The following KCNIP4 variants were observed in gnomAD, a reference collection of about 807,000 sequenced individuals.
KCNIP4 encodes potassium voltage-gated channel interacting protein 4.
In KCNIP4, 12 loss-of-function variants were observed where a neutral mutation model predicts 34.0. That is an observed-to-expected ratio of 0.35 (90% CI 0.23 to 0.57). The LOEUF (loss-of-function observed/expected upper bound fraction) is 0.57. Among genes scored for constraint, KCNIP4 ranks in the 20% least tolerant of loss-of-function variants. The pLI is 0.83. For synonymous variants in KCNIP4, 124 were observed against 102.2 expected, an observed-to-expected ratio of 1.21 and a Z score of -1.29; for missense variants, 238 against 311.7, an observed-to-expected ratio of 0.76 and a Z score of 1.78.
In KCNIP4 at chr4:21,000,002, A is replaced by G. The variant is rs538049682; in HGVS notation, c.62-117293T>C. ...ATTGCCAAGGAAGGGCGGAAAAAAA[A>G]GAATTGAGAATATGTGCCATGTGAG... On this transcript the variant is annotated intron_variant, in intron 1 of 8. Coordinates refer to ENST00000382152, the MANE Select transcript of KCNIP4 (RefSeq NM_025221.6). Among the ~76,000 whole-genome samples, 7 of 152,280 alleles carry G rather than the reference A, an allele frequency of 4.6e-5. No homozygotes were observed. In the East Asian group the frequency reaches 9.7e-4, roughly 21 times the overall value.
At chr4:21,057,098 C>T (rs572233607) in intron 1 of KCNIP4, among the ~76,000 whole-genome samples, 1 of 152,102 alleles carries the variant, frequency 6.6e-6, no homozygotes, top group South Asian at 2.1e-4. Context: ...AATTGAGGAC[C>T]ACATTTACAA....
intron 1 of KCNIP4, among the ~76,000 whole-genome samples, chr4:21,500,067 A>C (rs1412577782): frequency 6.6e-6 from 1 of 152,190 alleles, no homozygotes; most frequent in Non-Finnish European, 1.5e-5. Flanking sequence ...GTTCACATAC[A>C]AAGTCAGTGT....
chr4:21,717,972 C>A (rs1241076196), intron 1 of KCNIP4, among the ~76,000 whole-genome samples: 4 of 152,102 alleles, frequency 2.6e-5, no homozygotes, highest in Non-Finnish European at 5.9e-5. Context: ...TGAATCTGTT[C>A]ATTTCATGTC....
chr4:21,197,372 T>C (rs921570378), intron 1 of KCNIP4, among the ~76,000 whole-genome samples: 2 of 152,210 alleles, frequency 1.3e-5, no homozygotes, highest in African/African-American at 4.8e-5. Flanking sequence ...TGCCAAGCTG[T>C]ATCCATGCCT....
chr4:21,646,083 G>C lies in KCNIP4; in HGVS notation c.61+302488C>G, dbSNP rs544473742. ...AGTTGTCTCTCATCTGAATCATAAAGAGCGTATCACTCACTTTATTTCTAC... is the reference window on the plus strand; with the variant it reads ...AGTTGTCTCTCATCTGAATCATAAACAGCGTATCACTCACTTTATTTCTAC... On this transcript the variant is annotated intron_variant, in intron 1 of 8. Coordinates refer to ENST00000382152, the MANE Select transcript of KCNIP4 (RefSeq NM_025221.6). 9.9e-4 allele frequency among the ~76,000 whole-genome samples: 151 copies of C among 152,182 alleles called. 4 individuals are homozygous for C. In the South Asian group the frequency reaches 0.025, roughly 25 times the overall value.
intron 1 of KCNIP4, among the ~76,000 whole-genome samples, chr4:21,590,373 T>G (rs1330495501): frequency 6.6e-6 from 1 of 151,816 alleles, no homozygotes; most frequent in East Asian, 1.9e-4. Context: ...TGGGGAAAAA[T>G]AGATTGCAGG....
intron 1 of KCNIP4, among the ~76,000 whole-genome samples, chr4:21,938,552 T>C (rs558309328): frequency 1.5e-4 from 23 of 152,318 alleles, no homozygotes; most frequent in South Asian, 4.1e-4. Flanking sequence ...CACGATTCTG[T>C]ATTATACACG....
chr4:21,038,134 C>G (rs924015596), intron 1 of KCNIP4, among the ~76,000 whole-genome samples: 3 of 152,066 alleles, frequency 2.0e-5, no homozygotes, highest in Non-Finnish European at 4.4e-5. Flanking sequence ...TGTGCCACCA[C>G]GCCCAGCTAA....
chr4:20,953,733 G>C (rs1274025834), intron 1 of KCNIP4, among the ~76,000 whole-genome samples: 2 of 152,160 alleles, frequency 1.3e-5, no homozygotes, highest in African/African-American at 4.8e-5. Flanking sequence ...AATGAATGCT[G>C]TTAGTAAGGG....
intron 3 of KCNIP4, among the ~76,000 whole-genome samples, chr4:20,809,273 A>T (rs1279935509): frequency 1.3e-5 from 2 of 152,226 alleles, no homozygotes; most frequent in Non-Finnish European, 2.9e-5. Flanking sequence ...AAGAACTGGA[A>T]ATTACATATG....
chr4:20,735,856 A>G (rs1215767318), intron 5 of KCNIP4, among the ~76,000 whole-genome samples: 1 of 152,166 alleles, frequency 6.6e-6, no homozygotes, highest in Non-Finnish European at 1.5e-5. Flanking sequence ...TGTTATGTAC[A>G]GCAGGGTTAA....
chr4:21,933,690 G>C (rs1291162337), intron 1 of KCNIP4, among the ~76,000 whole-genome samples: 1 of 152,084 alleles, frequency 6.6e-6, no homozygotes, highest in African/African-American at 2.4e-5. Context: ...GTGTTCATTG[G>C]AGTGAAGTTG....
At chr4:21,036,503 T>C (rs1424201738) in intron 1 of KCNIP4, among the ~76,000 whole-genome samples, 1 of 152,198 alleles carries the variant, frequency 6.6e-6, no homozygotes, top group Non-Finnish European at 1.5e-5. Context: ...TTTATTTTGC[T>C]GAAAATATAT....
intron 1 of KCNIP4, among the ~76,000 whole-genome samples, chr4:21,186,087 G>A (rs1027762650): frequency 2.6e-5 from 4 of 151,974 alleles, no homozygotes; most frequent in Non-Finnish European, 4.4e-5. Flanking sequence ...ATTTCTATTT[G>A]ACTTTCTGAT....
intron 1 of KCNIP4, among the ~76,000 whole-genome samples, chr4:21,076,268 C>G (rs1745479019): frequency 6.6e-6 from 1 of 152,130 alleles, no homozygotes; most frequent in South Asian, 2.1e-4. Flanking sequence ...CCGTCACTTT[C>G]AGGTACACCA....
chr4:21,635,366 T>A (rs1746064824), intron 1 of KCNIP4, among the ~76,000 whole-genome samples: 1 of 152,210 alleles, frequency 6.6e-6, no homozygotes, highest in Admixed American at 6.5e-5. Context: ...TAGAGAAGGA[T>A]GGCGACTACA....
At chr4:21,158,696 A>T (rs1029839573) in intron 1 of KCNIP4, among the ~76,000 whole-genome samples, 3 of 152,184 alleles carry the variant, frequency 2.0e-5, no homozygotes, top group Admixed American at 2.0e-4. Context: ...GGTTATATTT[A>T]AAAAACTTAA....
chr4:21,859,602 TG>T (rs1313833389), intron 1 of KCNIP4, among the ~76,000 whole-genome samples: 4 of 149,966 alleles, frequency 2.7e-5, no homozygotes, highest in Non-Finnish European at 5.9e-5. Context: ...CACTTCAGCC[TG>T]GGCGACAGAG....
intron 1 of KCNIP4, among the ~76,000 whole-genome samples, chr4:21,407,640 G>A (rs1329797095): frequency 6.6e-6 from 1 of 152,118 alleles, no homozygotes; most frequent in Non-Finnish European, 1.5e-5. Context: ...GCTAGAATTG[G>A]TATCAGTTTA....
Sources: allele counts gnomAD v4.1 joint callset (sites outside exome capture counted in the v4.1 genomes callset), GRCh38; gene constraint gnomAD v4.1.1; transcripts MANE v1.5; gene names NCBI Gene and HGNC (gene_info 2026-07-23, HGNC 2026-07-21).